The following FCHSD2 variants were observed in gnomAD, a reference collection of about 807,000 sequenced individuals.
FCHSD2 encodes F-BAR and double SH3 domains protein 2.
FCHSD2 carries 38 observed loss-of-function variants against 108.1 expected under a neutral mutation model. The observed-to-expected ratio is 0.35, with a 90% CI of 0.27 to 0.46. The LOEUF (loss-of-function observed/expected upper bound fraction) is 0.46. FCHSD2 is among the 20% of genes least tolerant of loss of function. The probability of loss-of-function intolerance (pLI) is 1.00; values close to 1 mark genes in which losing one functional copy is unlikely to be tolerated. For synonymous variants in FCHSD2, 279 were observed against 314.7 expected, an observed-to-expected ratio of 0.89 and a Z score of 1.20; for missense variants, 751 against 897.8, an observed-to-expected ratio of 0.84 and a Z score of 2.09.
chr11:72,855,755 T>G (rs1295925350), intron 13 of FCHSD2, among the ~76,000 whole-genome samples: 3 of 152,142 alleles, frequency 2.0e-5, no homozygotes, highest in Non-Finnish European at 2.9e-5. Context: ...GGCACTTACC[T>G]AGAGCACTGT....
intron 8 of FCHSD2, among the ~76,000 whole-genome samples, chr11:72,937,570 C>T (rs371403865): frequency 6.6e-6 from 1 of 152,182 alleles, no homozygotes; most frequent in East Asian, 1.9e-4. Flanking sequence ...GTTTCCATCT[C>T]CTGACCTCAT....
At chr11:73,055,373 A>G (rs1859001756) in intron 3 of FCHSD2, among the ~76,000 whole-genome samples, 1 of 152,078 alleles carries the variant, frequency 6.6e-6, no homozygotes, top group South Asian at 2.1e-4. Flanking sequence ...ATAAAGAAAC[A>G]CTGAAGTAAA....
chr11:72,966,824 TA>T (rs1856916477), intron 8 of FCHSD2, among the ~76,000 whole-genome samples: 1 of 151,966 alleles, frequency 6.6e-6, no homozygotes, highest in African/African-American at 2.4e-5. Flanking sequence ...TAGAAGAAAA[TA>T]TAATAGAGGA....
At chr11:73,008,284 G>A (rs774661663) in intron 4 of FCHSD2, among the ~76,000 whole-genome samples, 1 of 151,926 alleles carries the variant, frequency 6.6e-6, no homozygotes. Context: ...CATTGCAGTG[G>A]GCCAAGACTG....
intron 2 of FCHSD2, among the ~76,000 whole-genome samples, chr11:73,132,570 C>T (rs1316378187): frequency 6.6e-6 from 1 of 152,116 alleles, no homozygotes. Context: ...TGCCTGTAAT[C>T]CCAGCACTTT....
chr11:72,964,699 A>C lies in FCHSD2; in HGVS notation c.705+19389T>G, dbSNP rs7122166. ...ACCCACAGCCCCAGGTCTTTATGGT[A>C]ATAGCCTTACTGGTATTCTTGCTAT... is the stretch of plus-strand genomic sequence containing the variant. On this transcript the variant is annotated intron_variant, in intron 8 of 19. Transcript: ENST00000409418. 5.0e-3 allele frequency among the ~76,000 whole-genome samples: 759 copies of C among 152,232 alleles called. 3 individuals carry two copies. Among genetic ancestry groups the C allele is most frequent in the African/African-American group, 0.015 (608 of 41,518 alleles).
At chr11:73,050,816 G>A (rs1435369337) in intron 3 of FCHSD2, among the ~76,000 whole-genome samples, 3 of 152,076 alleles carry the variant, frequency 2.0e-5, no homozygotes, top group South Asian at 2.1e-4. Flanking sequence ...ACCAAAGGCC[G>A]AGAATATCTA....
intron 8 of FCHSD2, among the ~76,000 whole-genome samples, chr11:72,922,436 G>T (rs1472885791): frequency 6.6e-6 from 1 of 152,026 alleles, no homozygotes; most frequent in South Asian, 2.1e-4. Context: ...AAAGAAAAGT[G>T]ACTCAGAGAT....
At chr11:72,867,813 A>T (rs1854762706) in intron 13 of FCHSD2, 52 bp downstream of exon 13, 1 of 1,543,082 alleles carries the variant, frequency 6.5e-7, no homozygotes, top group Non-Finnish European at 8.8e-7. Flanking sequence ...TACAGAGTCA[A>T]AGCATGCTTC....
At chr11:73,080,009 AT>A (rs942764201) in intron 3 of FCHSD2, among the ~76,000 whole-genome samples, 10 of 152,152 alleles carry the variant, frequency 6.6e-5, no homozygotes, top group Non-Finnish European at 1.2e-4. Flanking sequence ...ATTTAAAGAA[AT>A]TTTTCAGCCA....
At chr11:72,949,331 T>C (rs904853246) in intron 8 of FCHSD2, among the ~76,000 whole-genome samples, 2 of 152,006 alleles carry the variant, frequency 1.3e-5, no homozygotes, top group African/African-American at 4.8e-5. Context: ...GTGCCTGTAA[T>C]CACAGCTACT....
chr11:72,848,324 A>G (rs998120258), intron 14 of FCHSD2, among the ~76,000 whole-genome samples: 1 of 151,602 alleles, frequency 6.6e-6, no homozygotes, highest in Non-Finnish European at 1.5e-5. Context: ...AACACCCCAC[A>G]CTCTCATCAC....
chr11:72,887,641 G>GTATT (rs1855226114), intron 11 of FCHSD2, 67 bp from the exon 12 acceptor site: 1 of 1,013,242 alleles, frequency 9.9e-7, no homozygotes, highest in African/African-American at 1.7e-5. Context: ...AGTGATTAAA[G>GTATT]TATTTACATA....
intron 3 of FCHSD2, among the ~76,000 whole-genome samples, chr11:73,042,736 C>A (rs1295092350): frequency 3.3e-5 from 5 of 151,960 alleles, no homozygotes; most frequent in Non-Finnish European, 7.4e-5. Flanking sequence ...TTTTTTTCAT[C>A]AGTGTTTTGC....
At chr11:72,905,834 A>G (rs372015593) in intron 9 of FCHSD2, among the ~76,000 whole-genome samples, 3 of 152,292 alleles carry the variant, frequency 2.0e-5, no homozygotes, top group Non-Finnish European at 4.4e-5. Flanking sequence ...AATCCAGTCT[A>G]TCATTGATGG....
intron 3 of FCHSD2, among the ~76,000 whole-genome samples, chr11:73,053,268 T>C (rs983774081): frequency 2.6e-5 from 4 of 152,110 alleles, no homozygotes; most frequent in Non-Finnish European, 4.4e-5. Flanking sequence ...TCAAATTTTT[T>C]CCACCAAAAG....
At chr11:73,133,523 C>T (rs1267326528) in intron 2 of FCHSD2, among the ~76,000 whole-genome samples, 1 of 152,128 alleles carries the variant, frequency 6.6e-6, no homozygotes, top group African/African-American at 2.4e-5. Flanking sequence ...CCTGTAATCC[C>T]AGCACTTTGG....
chr11:72,887,498 T>C lies in FCHSD2; in HGVS notation c.1118A>G (p.Glu373Gly). ...TGCTTTACGAATATTTTCTCTAGCT[T>C]CATCTATTTTCTGTTCTAGCTCTGC... ...SRAELEQKID[E>G]ARENIRKAEI... The change falls in exon 12 of 20, where the codon GAA becomes GGA. Residue 373 changes from glutamate to glycine, a missense_variant. Physicochemically the swap from Glu to Gly is moderately conservative, Grantham distance 98. Transcript: ENST00000409418. 1 of 1,605,810 alleles carries C rather than the reference T, an allele frequency of 6.2e-7. No individual in the cohort carries two copies. The highest frequency in any genetic ancestry group is 8.5e-7 in the Non-Finnish European group (1 of 1,176,718).
chr11:72,944,248 C>T (rs1856475938), intron 8 of FCHSD2, among the ~76,000 whole-genome samples: 1 of 152,108 alleles, frequency 6.6e-6, no homozygotes, highest in African/African-American at 2.4e-5. Context: ...GTTCAACATA[C>T]TCAAATCAAT....
Sources: allele counts gnomAD v4.1 joint callset (sites outside exome capture counted in the v4.1 genomes callset), GRCh38; gene constraint gnomAD v4.1.1; transcripts MANE v1.5; gene names NCBI Gene and HGNC (gene_info 2026-07-23, HGNC 2026-07-21).